Variants in MARCHF1 observed in about 807,000 individuals in gnomAD.
The protein encoded by MARCHF1 is membrane associated ring-CH-type finger 1.
In MARCHF1, 40 loss-of-function variants were observed where a neutral mutation model predicts 54.2. The observed-to-expected ratio is 0.74, with a 90% CI of 0.57 to 0.96. The LOEUF (loss-of-function observed/expected upper bound fraction) is 0.96. Among genes scored for constraint, MARCHF1 ranks in the 40% least tolerant of loss-of-function variants. MARCHF1 has a pLI of 0.00. For missense variants in MARCHF1, 586 were observed against 656.5 expected (o/e 0.89, Z 1.17); for synonymous variants, 236 against 236.3 (o/e 1.00, Z 0.01).
At chr4:164,055,058 AAAAT>A (rs1754459203) in intron 2 of MARCHF1, 1 of 152,202 alleles carries the variant, frequency 6.6e-6, no homozygotes, top group Admixed American at 6.5e-5. Flanking sequence ...GGAGGGGTAA[AAAAT>A]AAATAACTAA....
rs571973676 is a variant in MARCHF1, at chr4:163,768,029, A to AT, written c.112-67167dup. Reference sequence around the variant, plus strand: ...GGCCAAGTTTATTTAGAAAGAGTGCATTTTTTTTATATCTTTTTCTTTGAA... The same window carrying AT: ...GGCCAAGTTTATTTAGAAAGAGTGCATTTTTTTTTATATCTTTTTCTTTGAA... On this transcript the variant is annotated intron_variant, in intron 4 of 9. Coordinates refer to ENST00000514618, the MANE Select transcript of MARCHF1 (RefSeq NM_001394959.1). 2.8e-3 allele frequency among the ~76,000 whole-genome samples: 418 copies of AT among 151,974 alleles called. 3 individuals are homozygous for AT. Among genetic ancestry groups the AT allele is most frequent in the Admixed American group, 5.4e-3 (83 of 15,260 alleles).
At chr4:163,644,274 G>A (rs150001766) in intron 5 of MARCHF1, among the ~76,000 whole-genome samples, 7 of 152,214 alleles carry the variant, frequency 4.6e-5, no homozygotes, top group Admixed American at 1.3e-4. Flanking sequence ...TGTTGTGGGA[G>A]CCTTGGAATT....
chr4:163,669,314 AT>A (rs1482810895), intron 5 of MARCHF1, among the ~76,000 whole-genome samples: 1 of 152,168 alleles, frequency 6.6e-6, no homozygotes, highest in Non-Finnish European at 1.5e-5. Context: ...AGGCTTGCTC[AT>A]GCCAAGCAAG....
At chr4:164,006,154 T>A (rs2110928939) in intron 2 of MARCHF1, among the ~76,000 whole-genome samples, 1 of 152,138 alleles carries the variant, frequency 6.6e-6, no homozygotes, top group South Asian at 2.1e-4. Flanking sequence ...GGCAATAAAT[T>A]GTAAGTTCTC....
At chr4:164,160,521 TTATAA>T (rs71600681) in intron 1 of MARCHF1, among the ~76,000 whole-genome samples, 6,899 of 152,280 alleles carry the variant, frequency 0.045, 209 homozygotes, top group Middle Eastern at 0.14. Flanking sequence ...AATTGCACTA[TTATAA>T]TATGACTTTA....
At chr4:164,029,399 T>C (rs1025846804) in intron 2 of MARCHF1, among the ~76,000 whole-genome samples, 5 of 151,876 alleles carry the variant, frequency 3.3e-5, no homozygotes, top group African/African-American at 9.7e-5. Context: ...CTCATGATGA[T>C]AGTACCAAGG....
At chr4:163,555,964 A>C (rs1174691265) in intron 8 of MARCHF1, 2 of 456,212 alleles carry the variant, frequency 4.4e-6, no homozygotes, top group Non-Finnish European at 8.8e-6. Flanking sequence ...ACTAAGCAGA[A>C]GCACAGACAC....
chr4:164,270,492 G>C (rs1037265911), intron 1 of MARCHF1, among the ~76,000 whole-genome samples: 5 of 152,072 alleles, frequency 3.3e-5, no homozygotes, highest in African/African-American at 1.2e-4. Flanking sequence ...ATTTCTGTTT[G>C]GTTCACTGGT....
chr4:163,737,815 T>C (rs563588764), intron 4 of MARCHF1, among the ~76,000 whole-genome samples: 2 of 120,428 alleles, frequency 1.7e-5, no homozygotes, highest in East Asian at 4.0e-4. Context: ...TTGGTGGGAC[T>C]GTAAACTAGT....
At chr4:164,291,929 AT>A (rs919349310) in intron 1 of MARCHF1, among the ~76,000 whole-genome samples, 1 of 152,118 alleles carries the variant, frequency 6.6e-6, no homozygotes, top group Non-Finnish European at 1.5e-5. Context: ...TATAGTTACT[AT>A]AATATAACTC....
intron 4 of MARCHF1, among the ~76,000 whole-genome samples, chr4:163,754,455 T>C (rs1746608050): frequency 6.6e-6 from 1 of 152,198 alleles, no homozygotes; most frequent in African/African-American, 2.4e-5. Context: ...TTTGCAAGAA[T>C]AGACATCCTG....
intron 4 of MARCHF1, among the ~76,000 whole-genome samples, chr4:163,770,625 T>TGA (rs3085793): frequency 0.79 from 120,031 of 151,460 alleles, 48,804 homozygotes; most frequent in South Asian, 0.9. Flanking sequence ...ATACAGACTC[T>TGA]GAGAGTTTCA....
chr4:163,727,836 G>A (rs1361451526), intron 4 of MARCHF1, among the ~76,000 whole-genome samples: 5 of 151,450 alleles, frequency 3.3e-5, no homozygotes. Context: ...CCATGCTCGG[G>A]TATTTTTATT....
Position 164,317,672 on chromosome 4 carries a change from G to A in MARCHF1, c.-323+66198C>T, listed in dbSNP as rs181966008. Among the ~76,000 whole-genome samples, 126 of 152,230 alleles carry A rather than the reference G, an allele frequency of 8.3e-4. 1 individual carries two copies. Among genetic ancestry groups the A allele is most frequent in the Non-Finnish European group, 1.3e-3 (91 of 68,020 alleles). On this transcript the variant is annotated intron_variant, in intron 1 of 9. Transcript: ENST00000514618. Reference sequence around the variant, plus strand: ...GAACAGCACTCTTACTCAAGAAAACGGAGTGAGTATTGGGAGACAACTAGC... The same window carrying A: ...GAACAGCACTCTTACTCAAGAAAACAGAGTGAGTATTGGGAGACAACTAGC...
intron 2 of MARCHF1, among the ~76,000 whole-genome samples, chr4:164,018,549 T>C (rs968647246): frequency 1.2e-4 from 19 of 152,108 alleles, no homozygotes; most frequent in Admixed American, 7.2e-4. Context: ...TCAAAGAAGA[T>C]ATATATTTGA....
Position 164,068,741 on chromosome 4 carries a change from C to T in MARCHF1, c.-248+42847G>A, listed in dbSNP as rs186484316. On this transcript the variant is annotated intron_variant, in intron 2 of 9. Coordinates refer to ENST00000514618, the MANE Select transcript of MARCHF1 (RefSeq NM_001394959.1). Reference sequence around the variant, plus strand: ...CCACCCAAGGGTTGAGGAGTGAGGGCGCACAGCGTGGGACTGGCAGCCAGT... The same window carrying T: ...CCACCCAAGGGTTGAGGAGTGAGGGTGCACAGCGTGGGACTGGCAGCCAGT... Among the ~76,000 whole-genome samples, 80 of 152,256 alleles carry T rather than the reference C, an allele frequency of 5.3e-4. 1 individual carries two copies. Among genetic ancestry groups the T allele is most frequent in the African/African-American group, 1.8e-3 (73 of 41,550 alleles).
intron 7 of MARCHF1, among the ~76,000 whole-genome samples, chr4:163,605,850 G>A (rs529964496): frequency 1.3e-5 from 2 of 152,124 alleles, no homozygotes; most frequent in African/African-American, 4.8e-5. Context: ...AGTGGGAGTT[G>A]AACAATTAGA....
chr4:164,304,426 T>C (rs1282838256), intron 1 of MARCHF1, among the ~76,000 whole-genome samples: 1 of 152,198 alleles, frequency 6.6e-6, no homozygotes, highest in East Asian at 1.9e-4. Context: ...GCCCCTGGTG[T>C]ATTTCCCTCC....
At chr4:164,197,061 G>GCCATCTACCTCT (rs1560949062) in intron 1 of MARCHF1, 1 of 1,604,888 alleles carries the variant, frequency 6.2e-7, no homozygotes. Flanking sequence ...CATCTTCCTC[G>GCCATCTACCTCT]CCATCTACCT....
Sources: allele counts gnomAD v4.1 joint callset (sites outside exome capture counted in the v4.1 genomes callset), GRCh38; gene constraint gnomAD v4.1.1; transcripts MANE v1.5; gene names NCBI Gene and HGNC (gene_info 2026-07-23, HGNC 2026-07-21).